The following THAP4 variants were observed in gnomAD, a reference collection of about 807,000 sequenced individuals.
THAP4 encodes THAP domain containing 4, also known as peroxynitrite isomerase THAP4.
A neutral mutation model predicts 48.1 loss-of-function variants in THAP4; 18 were observed. The observed-to-expected ratio is 0.37, with a 90% CI of 0.26 to 0.56. THAP4 has a LOEUF of 0.56. Among genes scored for constraint, THAP4 ranks in the 20% least tolerant of loss-of-function variants. The pLI, the probability that THAP4 is intolerant of heterozygous loss-of-function variation, is 0.78. For synonymous variants in THAP4, 345 were observed against 324.9 expected (o/e 1.06, Z -0.66); for missense variants, 656 against 774.9 (o/e 0.85, Z 1.82).
At chr2:241,630,417 T>C (rs1235956754) in intron 2 of THAP4, among the ~76,000 whole-genome samples, 4 of 152,146 alleles carry the variant, frequency 2.6e-5, no homozygotes, top group Admixed American at 2.6e-4. Context: ...GCTGGCTGTT[T>C]GCAAAAACCT....
At chr2:241,594,589 AAACAAC>A (rs554960592) in intron 5 of THAP4, 2 of 357,996 alleles carry the variant, frequency 5.6e-6, no homozygotes, top group South Asian at 2.5e-5. Context: ...AAACAAAACA[AAACAAC>A]AACAACAACA....
In THAP4 at chr2:241,633,190, C is replaced by T. The variant is rs779736769; in HGVS notation, c.967G>A (p.Ala323Thr). The T allele has an allele frequency of 8.7e-6, 14 of 1,608,050 alleles. No individual in the cohort carries two copies. The highest frequency in any genetic ancestry group is 4.0e-5 in the African/African-American group (3 of 74,708). ...TEAVQSEHSDASPMSINEVIL... is the reference protein window; with the variant it reads ...TEAVQSEHSDTSPMSINEVIL... ...ACCTCGTTGATGGACATGGGGCTGGCGTCGCTGTGCTCGCTCTGCACGGCT... is the reference window on the plus strand; with the variant it reads ...ACCTCGTTGATGGACATGGGGCTGGTGTCGCTGTGCTCGCTCTGCACGGCT... The change falls in exon 2 of 6, where the codon GCC (alanine) becomes ACC (threonine). Residue 323 changes from alanine to threonine, a missense_variant. Coordinates refer to ENST00000407315, the MANE Select transcript of THAP4 (RefSeq NM_015963.6). This position sits in a 1 kb window ranked among gnomAD's most constrained non-coding sequence, Gnocchi z 7.5.
intron 5 of THAP4, among the ~76,000 whole-genome samples, chr2:241,592,788 G>A (rs1007026243): frequency 2.0e-5 from 3 of 152,232 alleles, no homozygotes; most frequent in African/African-American, 7.2e-5. Context: ...ATGGCCGGCA[G>A]CATCAATCCT....
In THAP4 at chr2:241,607,937, C is replaced by A. The variant is rs374962929; in HGVS notation, c.1241-1464G>T. ...CAGGATCAGGACTGACCCCCGGCGTCTCCTCCAGGCCCGCAAAAGCAGAAG... is the reference window on the plus strand; with the variant it reads ...CAGGATCAGGACTGACCCCCGGCGTATCCTCCAGGCCCGCAAAAGCAGAAG... On this transcript the variant is annotated intron_variant, in intron 2 of 5. Transcript: ENST00000407315. Among the ~76,000 whole-genome samples, 173 of 141,716 alleles carry A rather than the reference C, an allele frequency of 1.2e-3. 1 individual carries two copies. Among genetic ancestry groups the A allele is most frequent in the Non-Finnish European group, 2.2e-3 (146 of 65,616 alleles). The allele number at this position is 141,716 out of a possible 152,430, so 93.0% of individuals were successfully genotyped here.
At chr2:241,624,259 G>A (rs925939911) in intron 2 of THAP4, among the ~76,000 whole-genome samples, 48 of 152,150 alleles carry the variant, frequency 3.2e-4, no homozygotes, top group African/African-American at 1.0e-3. Context: ...AGGCTGAGGC[G>A]GGCAGATCAC....
At chr2:241,592,643 C>T (rs1243545263) in intron 5 of THAP4, among the ~76,000 whole-genome samples, 2 of 152,204 alleles carry the variant, frequency 1.3e-5, no homozygotes, top group South Asian at 2.1e-4. Flanking sequence ...CCAGATGCCA[C>T]GGAGCAGCTA....
intron 2 of THAP4, among the ~76,000 whole-genome samples, chr2:241,609,327 G>C (rs976335566): frequency 1.3e-5 from 2 of 152,244 alleles, no homozygotes; most frequent in African/African-American, 4.8e-5. Flanking sequence ...AGAAAAGGAA[G>C]AATGAGAAGA....
intron 2 of THAP4, among the ~76,000 whole-genome samples, chr2:241,628,446 C>T (rs1330768776): frequency 2.0e-5 from 3 of 152,078 alleles, no homozygotes; most frequent in African/African-American, 4.8e-5. Flanking sequence ...CCATCTCCTG[C>T]TCCTCCCCAA....
rs1386281266 is a variant in THAP4, at chr2:241,610,304, G to A, written c.1241-3831C>T. 6.6e-6 allele frequency among the ~76,000 whole-genome samples: 1 copy of A among 152,128 alleles called. No individual in the cohort carries two copies. The highest frequency in any genetic ancestry group is 1.5e-5 in the Non-Finnish European group (1 of 68,006). On this transcript the variant is annotated intron_variant, in intron 2 of 5. Transcript: ENST00000407315. The surrounding 1 kb of genome is among the most constrained non-coding windows in gnomAD (Gnocchi z 4.2). Reference sequence around the variant, plus strand: ...GCCCCGGAAGCGCAGCCCCGCCTCAGGCGCCGCATCTCCGCCCTCTCTTGC... The same window carrying A: ...GCCCCGGAAGCGCAGCCCCGCCTCAAGCGCCGCATCTCCGCCCTCTCTTGC...
intron 5 of THAP4, among the ~76,000 whole-genome samples, chr2:241,590,688 T>C (rs879815009): frequency 4.7e-4 from 57 of 122,354 alleles, no homozygotes; most frequent in East Asian, 1.4e-3. Context: ...GCTCGGCTGA[T>C]GATGATGGGC....
chr2:241,602,138 TC>T, intron 4 of THAP4, 139 bp from the exon 5 acceptor site: 2 of 752,272 alleles, frequency 2.7e-6, no homozygotes, highest in Non-Finnish European at 4.3e-6. Context: ...TTTCTCCTCC[TC>T]CCCACTTCAC....
intron 1 of THAP4, among the ~76,000 whole-genome samples, chr2:241,634,295 G>A (rs1181164801): frequency 6.6e-6 from 1 of 152,222 alleles, no homozygotes; most frequent in Non-Finnish European, 1.5e-5. Context: ...CCCATACAGA[G>A]CTTATAGTCT....
intron 2 of THAP4, among the ~76,000 whole-genome samples, chr2:241,609,333 G>C (rs372870229): frequency 2.7e-4 from 41 of 152,364 alleles, no homozygotes; most frequent in African/African-American, 9.6e-4. Context: ...GGAAGAATGA[G>C]AAGAACCTTG....
At chr2:241,632,235 A>G (rs866477901) in intron 2 of THAP4, among the ~76,000 whole-genome samples, 3 of 151,996 alleles carry the variant, frequency 2.0e-5, no homozygotes, top group African/African-American at 2.4e-5. Context: ...TGGGATTACA[A>G]GCGTGCACCA....
intron 5 of THAP4, among the ~76,000 whole-genome samples, chr2:241,587,095 G>T (rs1316590401): frequency 6.6e-6 from 1 of 152,140 alleles, no homozygotes; most frequent in Non-Finnish European, 1.5e-5. Flanking sequence ...AGGTGTCAAA[G>T]GTCAAAGGTG....
Position 241,601,727 on chromosome 2 carries a change from G to C in THAP4, c.1614+169C>G, listed in dbSNP as rs1309281652. 4 of 1,314,042 alleles carry C rather than the reference G, an allele frequency of 3.0e-6. No individual in the cohort carries two copies. The African/African-American group carries it at 5.9e-5, about 19-fold the overall frequency. The allele number at this position is 1,314,042 out of a possible 1,614,324, so 81.4% of individuals were successfully genotyped here. On this transcript the variant is annotated intron_variant, in intron 5 of 5. Coordinates refer to ENST00000407315, the MANE Select transcript of THAP4 (RefSeq NM_015963.6). The surrounding 1 kb of genome is among the most constrained non-coding windows in gnomAD (Gnocchi z 4.0). ...GCCGAGGAGGGGGCAATGAATTTAG[G>C]GAACATCCACCCTGGATGGTCCGAG...
chr2:241,587,642 C>T (rs1235670877), intron 5 of THAP4, among the ~76,000 whole-genome samples: 1 of 151,952 alleles, frequency 6.6e-6, no homozygotes, highest in Non-Finnish European at 1.5e-5. Context: ...GTTGTCTGGG[C>T]CTTATAGAAT....
chr2:241,611,724 CA>C (rs556777493), intron 2 of THAP4, among the ~76,000 whole-genome samples: 38,886 of 97,708 alleles, frequency 0.4, 5,087 homozygotes, highest in South Asian at 0.49. Flanking sequence ...ACTCTGTCTC[CA>C]AAAAAAAAAA....
chr2:241,586,812 GAATAATGGAAAATATGGATGA>G (rs1285685830), intron 5 of THAP4, among the ~76,000 whole-genome samples: 1 of 152,172 alleles, frequency 6.6e-6, no homozygotes, highest in Admixed American at 6.5e-5. Flanking sequence ...GAAGCTTAGA[GAATAATGGAAAATATGGATGA>G]AAGCATAAGG....
Sources: gnomAD v4.1 joint callset for allele counts (sites outside exome capture counted in the v4.1 genomes callset) on GRCh38, gnomAD v4.1.1 for gene constraint, Gnocchi (gnomAD v3.1) non-coding constraint, MANE v1.5 for transcripts, NCBI Gene and HGNC (gene_info 2026-07-23, HGNC 2026-07-21) for gene names.